The following LOXL3 variants were observed in gnomAD, a reference collection of about 807,000 sequenced individuals.
LOXL3 encodes the protein lysyl oxidase like 3.
LOXL3 carries 60 observed loss-of-function variants against 91.8 expected under a neutral mutation model. The ratio of observed to expected loss-of-function variants is 0.65; its 90% confidence interval spans 0.53 to 0.81. LOXL3 has a LOEUF of 0.81. Ranked by LOEUF, LOXL3 falls within the 30% of genes least tolerant of loss-of-function variation. The pLI is 0.00. For missense variants in LOXL3, 874 were observed against 1,000.4 expected (o/e 0.87, Z 1.70); for synonymous variants, 355 against 387.6 (o/e 0.92, Z 0.99).
intron 4 of LOXL3, among the ~76,000 whole-genome samples, chr2:74,538,627 G>T (rs1416733543): frequency 6.6e-6 from 1 of 152,160 alleles, no homozygotes; most frequent in South Asian, 2.1e-4. Context: ...GAGAGGCAGG[G>T]GCTGTCAATC....
At position 74,534,206 on chromosome 2, in the gene LOXL3, A is replaced by C; in HGVS notation, c.1970T>G (p.Phe657Cys). 6.2e-7 allele frequency: 1 copy of C among 1,614,156 alleles called. No individual in the cohort carries two copies. The highest frequency in any genetic ancestry group is 8.5e-7 in the Non-Finnish European group (1 of 1,180,020). ...DVSKRYECAN[F>C]GEQGITVGCW... ...ACCCACAGTGATGCCTTGCTCTCCA[A>C]AGTTGGCACACTCATACCGCTTGGA... The change falls in exon 12 of 14, where the codon TTT becomes TGT. Residue 657 changes from phenylalanine to cysteine, a missense_variant. Coordinates refer to ENST00000264094, the MANE Select transcript of LOXL3 (RefSeq NM_032603.5).
chr2:74,533,963 C>G lies in LOXL3; in HGVS notation c.2107G>C (p.Glu703Gln). Residue 703 changes from glutamate to glutamine, a missense_variant, in exon 13 of 14, where the codon GAG becomes CAG. By Grantham distance (29) the Glu-to-Gln change is conservative. Coordinates refer to ENST00000264094, the MANE Select transcript of LOXL3 (RefSeq NM_032603.5). The stretch of plus-strand genomic sequence containing the variant: ...ATTGCATTGTTGGTAAAGTCACTCT[C>G]TGCTACTTCAAAGTTTGGGTTGATG... Reference protein sequence around the residue: ...VVINPNFEVAESDFTNNAMKC... With the variant: ...VVINPNFEVAQSDFTNNAMKC... 1.2e-6 allele frequency: 2 copies of G among 1,614,200 alleles called. No homozygotes were observed. The highest frequency in any genetic ancestry group is 1.7e-6 in the Non-Finnish European group (2 of 1,180,022).
At chr2:74,555,491 A>T (rs2104468753), upstream of LOXL3, 2 of 1,609,972 alleles carry the variant, frequency 1.2e-6, no homozygotes, top group South Asian at 2.2e-5. The surrounding 1 kb of genome is among the most constrained non-coding windows in gnomAD (Gnocchi z 6.1). Flanking sequence ...GGGCAGTTAC[A>T]GAGGCAGAGA....
At chr2:74,544,968 C>T (rs1676520526) in intron 4 of LOXL3, among the ~76,000 whole-genome samples, 2 of 152,218 alleles carry the variant, frequency 1.3e-5, no homozygotes, top group Non-Finnish European at 2.9e-5. Flanking sequence ...ATCTCTTTCT[C>T]CAGCCTTTAT....
intron 3 of LOXL3, 86 bp downstream of exon 3, chr2:74,550,099 C>G: frequency 6.6e-7 from 1 of 1,504,562 alleles, no homozygotes; most frequent in Non-Finnish European, 8.9e-7. Context: ...CCAGGGGTAA[C>G]TACCTTCTAA....
rs1025200183 is a variant in LOXL3, at chr2:74,535,899, CCTGGGGCAATGGG to C, written c.1248+84_1248+96del. On this transcript the variant is annotated intron_variant, in intron 7 of 13. Coordinates refer to ENST00000264094, the MANE Select transcript of LOXL3 (RefSeq NM_032603.5). This position sits in a 1 kb window ranked among gnomAD's most constrained non-coding sequence, Gnocchi z 4.2. ...GGTGGGAGCTGCAGGAGGGCAGGGG[CCTGGGGCAATGGG>C]CTGGGGGCCATTGGACTGTAGATTG... 6.1e-6 allele frequency: 9 copies of C among 1,486,964 alleles called. No individual in the cohort carries two copies. The African/African-American group carries it at 1.3e-4, about 21-fold the overall frequency. The allele number at this position is 1,486,964 out of a possible 1,614,324, so 92.1% of individuals were successfully genotyped here. A position where few individuals can be genotyped will look rare whatever the true frequency, so the allele number is the denominator to read the frequency against.
At chr2:74,545,800 T>C (rs1676557917) in intron 4 of LOXL3, among the ~76,000 whole-genome samples, 1 of 152,204 alleles carries the variant, frequency 6.6e-6, no homozygotes, top group African/African-American at 2.4e-5. Flanking sequence ...GGCCTCTCTC[T>C]GTCTTTTAAA....
intron 13 of LOXL3, 42 bp downstream of exon 13, chr2:74,533,840 C>G: frequency 6.5e-7 from 1 of 1,531,904 alleles, no homozygotes; most frequent in Non-Finnish European, 9.0e-7. Context: ...GTCTTTCCCT[C>G]CCATCCCCTA....
Position 74,535,863 on chromosome 2 carries a change from G to A in LOXL3, c.1249-108C>T. The stretch of plus-strand genomic sequence containing the variant: ...ACTCAGGCACATAATGGGCTAGCAA[G>A]TGATGGGTCAGGTGGGAGCTGCAGG... On this transcript the variant is annotated intron_variant, in intron 7 of 13. Transcript: ENST00000264094. The surrounding 1 kb of genome is among the most constrained non-coding windows in gnomAD (Gnocchi z 4.2). 1.4e-6 allele frequency: 2 copies of A among 1,480,126 alleles called. No homozygotes were observed. The highest frequency in any genetic ancestry group is 1.8e-6 in the Non-Finnish European group (2 of 1,109,904). 91.7% of individuals were successfully genotyped at this position (1,480,126 alleles called of 1,614,324 possible).
chr2:74,535,940 G>T lies in LOXL3; in HGVS notation c.1248+56C>A. 6.6e-7 allele frequency: 1 copy of T among 1,517,628 alleles called. No homozygotes were observed. Among genetic ancestry groups the T allele is most frequent in the South Asian group, 1.3e-5 (1 of 75,792 alleles). The allele number at this position is 1,517,628 out of a possible 1,614,324, so 94.0% of individuals were successfully genotyped here. ...GGGGGCCATTGGACTGTAGATTGGAGACCAGACCTGGATAGGATGAAAGAG... is the reference window on the plus strand; with the variant it reads ...GGGGGCCATTGGACTGTAGATTGGATACCAGACCTGGATAGGATGAAAGAG... On this transcript the variant is annotated intron_variant, in intron 7 of 13. Coordinates refer to ENST00000264094, the MANE Select transcript of LOXL3 (RefSeq NM_032603.5). This position sits in a 1 kb window ranked among gnomAD's most constrained non-coding sequence, Gnocchi z 4.2.
At chr2:74,542,648 CAG>C (rs1210553560) in intron 4 of LOXL3, among the ~76,000 whole-genome samples, 4 of 145,744 alleles carry the variant, frequency 2.7e-5, no homozygotes, top group East Asian at 2.0e-4. Context: ...TTTTTTGAGA[CAG>C]AGTCTCGATC....
At chr2:74,554,555 C>T, upstream of LOXL3, 2 of 601,282 alleles carry the variant, frequency 3.3e-6, no homozygotes, top group Admixed American at 6.0e-5. The surrounding 1 kb of genome is among the most constrained non-coding windows in gnomAD (Gnocchi z 4.9). Flanking sequence ...CGGGTAGGGG[C>T]CTGGGGTGCT....
chr2:74,537,930 T>C (rs1476431331), intron 4 of LOXL3, among the ~76,000 whole-genome samples: 1 of 152,162 alleles, frequency 6.6e-6, no homozygotes, highest in Non-Finnish European at 1.5e-5. Context: ...TCATGCATTA[T>C]TGCAATAATG....
At chr2:74,554,780 C>T (rs1037849755), upstream of LOXL3, 1 of 1,614,102 alleles carries the variant, frequency 6.2e-7, no homozygotes, top group Admixed American at 1.7e-5. The surrounding 1 kb of genome is among the most constrained non-coding windows in gnomAD (Gnocchi z 4.9). Flanking sequence ...ATGGAAGGGC[C>T]GCTTTTTTTG....
intron 4 of LOXL3, among the ~76,000 whole-genome samples, chr2:74,541,911 C>T (rs540655030): frequency 6.9e-4 from 105 of 152,060 alleles, no homozygotes; most frequent in African/African-American, 2.5e-3. Flanking sequence ...AGGACCAGTG[C>T]TGTTATTTGT....
At chr2:74,554,515 G>A, upstream of LOXL3, 1 of 566,752 alleles carries the variant, frequency 1.8e-6, no homozygotes. This position sits in a 1 kb window ranked among gnomAD's most constrained non-coding sequence, Gnocchi z 4.9. Context: ...GAGGACTTTC[G>A]GTGGAGCCAC....
Position 74,536,796 on chromosome 2 carries a change from G to T in LOXL3, c.825C>A (p.Gly275=). The T allele has an allele frequency of 6.2e-7, 1 of 1,613,066 alleles. No homozygotes were observed. The highest frequency in any genetic ancestry group is 8.5e-7 in the Non-Finnish European group (1 of 1,179,336). Reference sequence around the variant, plus strand: ...CTGGCACACAGCTCACCACTGCAGGGCCCCCCCCAGGGCACCTGGCGGTGT... The same window carrying T: ...CTGGCACACAGCTCACCACTGCAGGTCCCCCCCCAGGGCACCTGGCGGTGT... ...ANDTARCPGG[G]PAVVSCVPGP... The change falls in exon 5 of 14, where the codon GGC becomes GGA. Residue 275 remains glycine, a synonymous_variant. Coordinates refer to ENST00000264094, the MANE Select transcript of LOXL3 (RefSeq NM_032603.5). The surrounding 1 kb of genome is among the most constrained non-coding windows in gnomAD (Gnocchi z 4.5).
chr2:74,533,379 C>G lies in LOXL3; in HGVS notation c.*227G>C. On this transcript the variant is annotated 3_prime_UTR_variant, in exon 14 of 14. Coordinates refer to ENST00000264094, the MANE Select transcript of LOXL3 (RefSeq NM_032603.5). ...GTGGTGTGGTGGGCTCTGGTCTGTT[C>G]TGCTCGGTGCTGGGCCTGGGAGCAA... 5.3e-6 allele frequency: 3 copies of G among 563,014 alleles called. No individual in the cohort carries two copies. The South Asian group carries it at 6.1e-5, about 12-fold the overall frequency. 34.9% of individuals were successfully genotyped at this position (563,014 alleles called of 1,614,324 possible).
Position 74,534,238 on chromosome 2 carries a change from T to A in LOXL3, c.1940-2A>T, listed in dbSNP as rs748163885. 6 of 1,614,094 alleles carry A rather than the reference T, an allele frequency of 3.7e-6. No individual in the cohort carries two copies. The highest frequency in any genetic ancestry group is 1.3e-5 in the African/African-American group (1 of 74,934). ...CACACTCATACCGCTTGGAGACATC[T>A]GGAGGGATTGGCATATGTCAGTGTA... On this transcript the variant is annotated splice_acceptor_variant, in intron 11 of 13. Transcript: ENST00000264094. LOFTEE classifies it high-confidence loss of function.
Sources: gnomAD v4.1 joint callset for allele counts (sites outside exome capture counted in the v4.1 genomes callset) on GRCh38, gnomAD v4.1.1 for gene constraint, Gnocchi (gnomAD v3.1) non-coding constraint, MANE v1.5 for transcripts, NCBI Gene and HGNC (gene_info 2026-07-23, HGNC 2026-07-21) for gene names.